The following MAP4K3 variants were observed in gnomAD, a reference collection of about 807,000 sequenced individuals.
The protein encoded by MAP4K3 is mitogen-activated protein kinase kinase kinase kinase 3, also known as MAPK/ERK kinase kinase kinase 3.
A neutral mutation model predicts 143.5 loss-of-function variants in MAP4K3; 94 were observed. The ratio of observed to expected loss-of-function variants is 0.65; its 90% CI spans 0.55 to 0.78. MAP4K3 has a LOEUF of 0.78. Ranked by LOEUF, MAP4K3 falls within the 30% of genes least tolerant of loss-of-function variation. The probability of loss-of-function intolerance (pLI) is 0.00; values close to 1 mark genes in which losing one functional copy is unlikely to be tolerated. For missense variants in MAP4K3, 1,077 were observed against 1,068.1 expected (o/e 1.01, Z -0.12); for synonymous variants, 416 against 347.2 (o/e 1.20, Z -2.20).
At chr2:39,273,791 G>A (rs945091727) in intron 24 of MAP4K3, among the ~76,000 whole-genome samples, 2 of 152,142 alleles carry the variant, frequency 1.3e-5, no homozygotes, top group African/African-American at 2.4e-5. Flanking sequence ...CTATACCTGT[G>A]CCTCAAATAG....
At chr2:39,334,817 G>T (rs990830724) in intron 6 of MAP4K3, among the ~76,000 whole-genome samples, 5 of 152,026 alleles carry the variant, frequency 3.3e-5, no homozygotes, top group African/African-American at 1.2e-4. Flanking sequence ...CAAGTAGGAG[G>T]AAAAAACTTA....
intron 2 of MAP4K3, among the ~76,000 whole-genome samples, chr2:39,365,733 C>T (rs1401220957): frequency 3.9e-5 from 6 of 152,066 alleles, no homozygotes; most frequent in Non-Finnish European, 5.9e-5. Flanking sequence ...CGTGAGCCAC[C>T]GCGCCCGGCC....
chr2:39,286,380 C>T (rs1681777170), intron 21 of MAP4K3, among the ~76,000 whole-genome samples: 1 of 152,216 alleles, frequency 6.6e-6, no homozygotes, highest in Non-Finnish European at 1.5e-5. Context: ...CTGACCATTA[C>T]TGGTCTGCGG....
At chr2:39,360,816 C>T (rs1665748325) in intron 2 of MAP4K3, among the ~76,000 whole-genome samples, 1 of 152,108 alleles carries the variant, frequency 6.6e-6, no homozygotes, top group Non-Finnish European at 1.5e-5. Context: ...AGAACAGCAG[C>T]AGGGGGTAAC....
At chr2:39,430,805 T>A (rs991456329) in intron 1 of MAP4K3, among the ~76,000 whole-genome samples, 7 of 152,168 alleles carry the variant, frequency 4.6e-5, no homozygotes, top group Admixed American at 2.0e-4. Flanking sequence ...GACCTAATAA[T>A]AACCCATTAC....
intron 2 of MAP4K3, among the ~76,000 whole-genome samples, chr2:39,366,416 A>G (rs1365801567): frequency 6.6e-6 from 1 of 152,200 alleles, no homozygotes; most frequent in Non-Finnish European, 1.5e-5. Context: ...TTTATCATGC[A>G]GATGAAACCT....
chr2:39,267,717 C>T (rs1372948374), intron 26 of MAP4K3, among the ~76,000 whole-genome samples: 1 of 151,534 alleles, frequency 6.6e-6, no homozygotes, highest in African/African-American at 2.4e-5. Context: ...ATTGGATCCC[C>T]TTCTCATGGC....
At chr2:39,305,677 T>C (rs1301433989) in intron 15 of MAP4K3, among the ~76,000 whole-genome samples, 1 of 152,164 alleles carries the variant, frequency 6.6e-6, no homozygotes, top group East Asian at 1.9e-4. Flanking sequence ...AAGACCCCTG[T>C]CAAATGCTCC....
rs1427535540 is a variant in MAP4K3 at position 39,272,300 on chromosome 2, A to T, written c.1956T>A (p.Pro652=). The change falls in exon 26 of 34, where the codon CCT becomes CCA. Residue 652 remains proline (P), a synonymous_variant. Coordinates refer to ENST00000263881, the MANE Select transcript of MAP4K3 (RefSeq NM_003618.4). ...ACCCTTACCTTGGCAGTATTCTGTCAGGGAGTTTGTGTGCTGGAATAGCAA... is the reference window on the plus strand; with the variant it reads ...ACCCTTACCTTGGCAGTATTCTGTCTGGGAGTTTGTGTGCTGGAATAGCAA... The part of the protein sequence containing the change: ...LPVAIPAHKL[P]DRILPRKFSV... 1 of 1,612,378 alleles carries T rather than the reference A, an allele frequency of 6.2e-7. No individual in the cohort carries two copies. The highest frequency in any genetic ancestry group is 1.7e-5 in the Admixed American group (1 of 60,008).
rs1399680973 is a variant in MAP4K3 at position 39,416,086 on chromosome 2, T to A, written c.96+20806A>T. Among the ~76,000 whole-genome samples the A allele has an allele frequency of 3.5e-5, 5 of 144,816 alleles. No homozygotes were observed. The Admixed American group carries it at 3.5e-4, about 10-fold the overall frequency. ...GGACTCAAATTTAAGTCATACTAACTGGGTAACTCATTCAATTATATGGTA... is the reference window on the plus strand; with the variant it reads ...GGACTCAAATTTAAGTCATACTAACAGGGTAACTCATTCAATTATATGGTA... On this transcript the variant is annotated intron_variant, in intron 1 of 33. Coordinates refer to ENST00000263881, the MANE Select transcript of MAP4K3 (RefSeq NM_003618.4).
intron 4 of MAP4K3, among the ~76,000 whole-genome samples, chr2:39,341,311 A>G (rs1665132698): frequency 6.6e-6 from 1 of 152,110 alleles, no homozygotes; most frequent in Non-Finnish European, 1.5e-5. Context: ...TTAAATAATC[A>G]ACTAATACTG....
chr2:39,361,241 GTAA>G (rs1209443938), intron 2 of MAP4K3, among the ~76,000 whole-genome samples: 6 of 151,600 alleles, frequency 4.0e-5, no homozygotes, highest in African/African-American at 7.3e-5. Context: ...CACGTTTTAT[GTAA>G]TAATATGATA....
chr2:39,353,795 T>C (rs1453092944), intron 3 of MAP4K3, among the ~76,000 whole-genome samples: 1 of 152,194 alleles, frequency 6.6e-6, no homozygotes, highest in Non-Finnish European at 1.5e-5. Flanking sequence ...GGCAAATACC[T>C]ATTGAGCATT....
At position 39,260,642 on chromosome 2, in the gene MAP4K3, T is replaced by C; in HGVS notation, c.2272A>G (p.Asn758Asp). ...AACCATGAAGAGGTAGAATTTGGAT[T>C]GACCGTCTCAAATCGAACCACTTGG... ...FNQVVRFETV[N>D]PNSTSSWFTE... The change falls in exon 29 of 34, where the codon AAT becomes GAT. Residue 758 changes from asparagine (N) to aspartate (D), a missense_variant. Transcript: ENST00000263881. 6.2e-7 allele frequency: 1 copy of C among 1,614,114 alleles called. No individual in the cohort carries two copies. Among genetic ancestry groups the C allele is most frequent in the South Asian group, 1.1e-5 (1 of 91,066 alleles).
chr2:39,262,285 A>G (rs191472432), intron 28 of MAP4K3, among the ~76,000 whole-genome samples: 66 of 152,316 alleles, frequency 4.3e-4, no homozygotes, highest in Non-Finnish European at 8.4e-4. Context: ...CTCTGTGTTC[A>G]CCTGCTGTTC....
chr2:39,250,822 G>A (rs531067576), intron 33 of MAP4K3, 117 bp from the exon 34 acceptor site: 9 of 759,504 alleles, frequency 1.2e-5, no homozygotes, highest in Admixed American at 4.7e-5. Context: ...TCATTTGATC[G>A]TGGGCAGAAA....
In MAP4K3 at chr2:39,292,839, G is replaced by T. The variant is rs1558627337; in HGVS notation, c.1218-13C>A. 4.4e-6 allele frequency: 7 copies of T among 1,605,936 alleles called. No individual in the cohort carries two copies. The South Asian group carries it at 5.5e-5, about 13-fold the overall frequency. On this transcript the variant is annotated splice_polypyrimidine_tract_variant and intron_variant, in intron 17 of 33. Transcript: ENST00000263881. ...TGCGACGTGTCCTCTAAATAAAAAG[G>T]ATAATGTCATTGTTATTAAATGGAT...
chr2:39,369,514 G>GCTCA (rs1389955005), intron 2 of MAP4K3, among the ~76,000 whole-genome samples: 1 of 152,074 alleles, frequency 6.6e-6, no homozygotes, highest in Non-Finnish European at 1.5e-5. Context: ...TTCCCACCAT[G>GCTCA]CTCACATAGA....
chr2:39,360,107 G>A (rs1055152855), intron 2 of MAP4K3, among the ~76,000 whole-genome samples: 3 of 152,102 alleles, frequency 2.0e-5, no homozygotes, highest in Admixed American at 6.5e-5. Flanking sequence ...AAACTTTTAT[G>A]CTCTGCTTCC....
Sources: gnomAD v4.1 joint callset for allele counts (sites outside exome capture counted in the v4.1 genomes callset) on GRCh38, gnomAD v4.1.1 for gene constraint, MANE v1.5 for transcripts, NCBI Gene and HGNC (gene_info 2026-07-23, HGNC 2026-07-21) for gene names.